Variants in NEBL observed in about 807,000 individuals in gnomAD.
NEBL encodes nebulette.
A neutral mutation model predicts 140.2 loss-of-function variants in NEBL; 122 were observed. The observed-to-expected ratio is 0.87, with a 90% CI of 0.75 to 1.01. The LOEUF (loss-of-function observed/expected upper bound fraction) is 1.01. Ranked by LOEUF, NEBL falls within the 50% of genes least tolerant of loss-of-function variation. The probability of loss-of-function intolerance (pLI) is 0.00; values close to 1 mark genes in which losing one functional copy is unlikely to be tolerated. For synonymous variants in NEBL, 436 were observed against 398.9 expected (o/e 1.09, Z -1.11); for missense variants, 1,365 against 1,231.3 (o/e 1.11, Z -1.62).
rs192836185 is a variant in NEBL, at chr10:21,101,516, C to T, written c.164+70867G>A. 2.0e-3 allele frequency among the ~76,000 whole-genome samples: 298 copies of T among 152,276 alleles called. 2 individuals carry two copies. Among genetic ancestry groups the T allele is most frequent in the African/African-American group, 6.7e-3 (278 of 41,568 alleles). On this transcript the variant is annotated intron_variant, in intron 2 of 6. Coordinates refer to the NEBL transcript ENST00000417816. Reference sequence around the variant, plus strand: ...TCTGGACAAAGGCAAGACCTAGAGACGGTGGGGAAAAAAGAAAACAAGCCT... The same window carrying T: ...TCTGGACAAAGGCAAGACCTAGAGATGGTGGGGAAAAAAGAAAACAAGCCT...
chr10:21,090,407 C>T (rs544117126), intron 2 of NEBL, among the ~76,000 whole-genome samples: 3 of 152,240 alleles, frequency 2.0e-5, no homozygotes, highest in Non-Finnish European at 2.9e-5. Flanking sequence ...ATTTACACAG[C>T]ATTTACATTG....
chr10:21,259,753 G>A (rs903394405), intron 1 of NEBL, among the ~76,000 whole-genome samples: 24 of 152,060 alleles, frequency 1.6e-4, no homozygotes, highest in African/African-American at 5.1e-4. Context: ...GATGGCTTCA[G>A]GGATGTGTAG....
Position 21,050,042 on chromosome 10 carries a change from G to T in NEBL, c.165-29841C>A, listed in dbSNP as rs936142805. Among the ~76,000 whole-genome samples the T allele has an allele frequency of 5.3e-5, 8 of 152,228 alleles. No homozygotes were observed. In the East Asian group the frequency reaches 1.3e-3, roughly 26 times the overall value. On this transcript the variant is annotated intron_variant, in intron 2 of 6. Transcript: ENST00000417816. ...AATGACCTTGAGAGACCAAATGAAG[G>T]GGGAGGAAGACTAGGTAATATCTAA...
At chr10:20,928,889 A>G (rs1834038384) in intron 4 of NEBL, among the ~76,000 whole-genome samples, 1 of 152,210 alleles carries the variant, frequency 6.6e-6, no homozygotes, top group Non-Finnish European at 1.5e-5. Flanking sequence ...GACTACTTCC[A>G]TCTTCAGTGC....
chr10:20,932,170 G>A (rs1053904144), intron 4 of NEBL, among the ~76,000 whole-genome samples: 4 of 151,970 alleles, frequency 2.6e-5, no homozygotes, highest in South Asian at 2.1e-4. Flanking sequence ...CCACCATATC[G>A]TACCTGTCTC....
intron 19 of NEBL, among the ~76,000 whole-genome samples, chr10:20,822,341 T>TTATC (rs939520999): frequency 6.6e-5 from 10 of 152,022 alleles, no homozygotes; most frequent in Middle Eastern, 3.4e-3. Flanking sequence ...TATATATATG[T>TTATC]TATCTATCTA....
At chr10:21,231,091 C>T (rs1360580826) in intron 3 of NEBL, among the ~76,000 whole-genome samples, 2 of 152,226 alleles carry the variant, frequency 1.3e-5, no homozygotes, top group Non-Finnish European at 2.9e-5. Context: ...CATAAGGACA[C>T]AAGTTGATGT....
At chr10:20,841,644 G>A (rs1436402742) in intron 12 of NEBL, 1 of 152,162 alleles carries the variant, frequency 6.6e-6, no homozygotes, top group African/African-American at 2.4e-5. Flanking sequence ...TGATGATGGT[G>A]ATGGTGACTC....
chr10:21,163,008 A>T (rs1840617754), intron 2 of NEBL, among the ~76,000 whole-genome samples: 1 of 152,242 alleles, frequency 6.6e-6, no homozygotes. Flanking sequence ...TAGATTGGAT[A>T]TTCCAATGAA....
intron 2 of NEBL, among the ~76,000 whole-genome samples, chr10:21,159,486 G>A (rs1273577964): frequency 6.6e-6 from 1 of 152,194 alleles, no homozygotes; most frequent in Non-Finnish European, 1.5e-5. Context: ...CCTCACAACT[G>A]CTACCCCATC....
Position 20,889,941 on chromosome 10 carries a change from A to G in NEBL, c.162T>C (p.Tyr54=), listed in dbSNP as rs879121046. Residue 54 remains tyrosine, a synonymous_variant, in exon 3 of 28, where the codon TAT becomes TAC. Transcript: ENST00000377122. ...KCTELISDIR[Y]KEEFKKSKDK... Reference sequence around the variant, plus strand: ...CCTTGGACTTTTTAAACTCTTCTTTATAACGGATCTAAAAAAGAGAATGAT... The same window carrying G: ...CCTTGGACTTTTTAAACTCTTCTTTGTAACGGATCTAAAAAAGAGAATGAT... 2 of 1,588,828 alleles carry G rather than the reference A, an allele frequency of 1.3e-6. No individual in the cohort carries two copies. Among genetic ancestry groups the G allele is most frequent in the Non-Finnish European group, 1.7e-6 (2 of 1,159,398 alleles).
chr10:21,091,575 T>C (rs987985426), intron 2 of NEBL, among the ~76,000 whole-genome samples: 1 of 152,214 alleles, frequency 6.6e-6, no homozygotes, highest in Non-Finnish European at 1.5e-5. Flanking sequence ...TTGTTCTTCA[T>C]CTCTCCACTT....
intron 3 of NEBL, among the ~76,000 whole-genome samples, chr10:21,007,927 A>C (rs1296371588): frequency 6.6e-6 from 1 of 152,214 alleles, no homozygotes; most frequent in Non-Finnish European, 1.5e-5. Flanking sequence ...ACTAAAAGAC[A>C]CAGAGACTGC....
intron 3 of NEBL, among the ~76,000 whole-genome samples, chr10:21,234,760 A>G (rs1842326356): frequency 6.6e-6 from 1 of 152,184 alleles, no homozygotes; most frequent in South Asian, 2.1e-4. Flanking sequence ...CAGAGAAGCC[A>G]GCTGAACCCA....
At chr10:21,260,740 CT>C (rs1842727730) in intron 1 of NEBL, among the ~76,000 whole-genome samples, 1 of 152,128 alleles carries the variant, frequency 6.6e-6, no homozygotes, top group African/African-American at 2.4e-5. Context: ...CTGGCATCTC[CT>C]AAAAGAGAAA....
intron 2 of NEBL, among the ~76,000 whole-genome samples, chr10:21,107,501 C>T (rs1008223572): frequency 8.5e-5 from 13 of 152,210 alleles, no homozygotes; most frequent in Non-Finnish European, 2.9e-5. Context: ...ATCAGCCTTG[C>T]ATCCCAGGGA....
At chr10:20,952,904 C>CAAA (rs34713711) in intron 4 of NEBL, among the ~76,000 whole-genome samples, 1,165 of 61,974 alleles carry the variant, frequency 0.019, 64 homozygotes, top group Middle Eastern at 0.054. Flanking sequence ...GACCCTGTCT[C>CAAA]AAAAAAAAAA....
At chr10:20,987,413 A>T (rs1486190625) in intron 3 of NEBL, among the ~76,000 whole-genome samples, 1 of 151,998 alleles carries the variant, frequency 6.6e-6, no homozygotes, top group East Asian at 1.9e-4. Context: ...CTCCAGCCAC[A>T]TCTCTTCATC....
intron 2 of NEBL, among the ~76,000 whole-genome samples, chr10:21,115,638 A>G (rs1271755019): frequency 2.0e-5 from 3 of 151,902 alleles, no homozygotes; most frequent in African/African-American, 7.3e-5. Context: ...TCTGTGCATA[A>G]TGTCCTTTGT....
Sources: gnomAD v4.1 joint callset for allele counts (sites outside exome capture counted in the v4.1 genomes callset) on GRCh38, gnomAD v4.1.1 for gene constraint, MANE v1.5 for transcripts, NCBI Gene and HGNC (gene_info 2026-07-23, HGNC 2026-07-21) for gene names.